The following MAML2 variants were observed in gnomAD, a reference collection of about 807,000 sequenced individuals.
MAML2 encodes mastermind-like protein 2.
A neutral mutation model predicts 96.1 loss-of-function variants in MAML2; 22 were observed. The ratio of observed to expected loss-of-function variants is 0.23; its 90% CI spans 0.16 to 0.33. MAML2 has a LOEUF of 0.33. MAML2 is among the 10% of genes least tolerant of loss of function. MAML2 has a pLI of 1.00. For synonymous variants in MAML2, 561 were observed against 521.3 expected (o/e 1.08, Z -1.04); for missense variants, 1,367 against 1,392.4 (o/e 0.98, Z 0.29).
chr11:96,246,291 G>A (rs937713274), intron 1 of MAML2, among the ~76,000 whole-genome samples: 62 of 152,026 alleles, frequency 4.1e-4, no homozygotes, highest in African/African-American at 1.4e-3. Context: ...CCTTCAACAG[G>A]CATTTTTTGG....
At chr11:96,204,366 G>A (rs746574695) in intron 1 of MAML2, among the ~76,000 whole-genome samples, 5 of 152,318 alleles carry the variant, frequency 3.3e-5, no homozygotes, top group East Asian at 1.9e-4. Context: ...AGAGCCTAGC[G>A]TAGATGACAG....
At chr11:95,998,485 C>T (rs1172452258) in intron 2 of MAML2, among the ~76,000 whole-genome samples, 2 of 152,098 alleles carry the variant, frequency 1.3e-5, no homozygotes, top group African/African-American at 4.8e-5. Context: ...TCATCAGGTG[C>T]TAGAGAAATG....
chr11:96,139,393 C>G (rs900307404), intron 1 of MAML2, among the ~76,000 whole-genome samples: 5 of 151,422 alleles, frequency 3.3e-5, no homozygotes, highest in Admixed American at 3.3e-4. Flanking sequence ...AGGAGAATGG[C>G]GTGAACCTGG....
In MAML2 at chr11:96,086,173, T is replaced by C. The variant is rs112235525; in HGVS notation, c.2139+5719A>G. On this transcript the variant is annotated intron_variant, in intron 2 of 4. Coordinates refer to ENST00000524717, the MANE Select transcript of MAML2 (RefSeq NM_032427.4). ...AGCCAGGGAAGGAACCATGTTTTCC[T>C]GATCTTTGAGATTATATGAGTATGA... Among the ~76,000 whole-genome samples, 1,503 of 152,338 alleles carry C rather than the reference T, an allele frequency of 9.9e-3. 23 individuals are homozygous for C. Among genetic ancestry groups the C allele is most frequent in the South Asian group, 0.036 (176 of 4,828 alleles).
intron 2 of MAML2, among the ~76,000 whole-genome samples, chr11:96,034,929 G>A (rs1858688265): frequency 6.6e-6 from 1 of 152,120 alleles, no homozygotes; most frequent in African/African-American, 2.4e-5. Flanking sequence ...GTCACATGGG[G>A]AAGCATATGG....
At chr11:96,021,157 A>G (rs1402710920) in intron 2 of MAML2, among the ~76,000 whole-genome samples, 4 of 152,090 alleles carry the variant, frequency 2.6e-5, no homozygotes, top group Non-Finnish European at 5.9e-5. Context: ...GCTTCCATAG[A>G]TTCCTGGGTT....
At chr11:96,178,894 T>C (rs2135908412) in intron 1 of MAML2, among the ~76,000 whole-genome samples, 1 of 152,270 alleles carries the variant, frequency 6.6e-6, no homozygotes, top group East Asian at 1.9e-4. Context: ...GGGAAGAAGA[T>C]AATGCTTTGC....
At chr11:96,304,457 G>A (rs1280932571) in intron 1 of MAML2, among the ~76,000 whole-genome samples, 1 of 152,192 alleles carries the variant, frequency 6.6e-6, no homozygotes, top group Non-Finnish European at 1.5e-5. Context: ...GGCCAGTTTG[G>A]AAGTACAGTG....
At chr11:96,273,344 A>T (rs904615171) in intron 1 of MAML2, among the ~76,000 whole-genome samples, 1 of 152,188 alleles carries the variant, frequency 6.6e-6, no homozygotes, top group African/African-American at 2.4e-5. Flanking sequence ...TTAAAGTTCA[A>T]ATTAGATTAA....
chr11:96,025,908 A>G (rs1858510468), intron 2 of MAML2, among the ~76,000 whole-genome samples: 1 of 152,236 alleles, frequency 6.6e-6, no homozygotes, highest in African/African-American at 2.4e-5. Flanking sequence ...GCCTCTGATT[A>G]TAACCATTAT....
At chr11:96,315,358 A>G (rs1863615313) in intron 1 of MAML2, among the ~76,000 whole-genome samples, 1 of 152,178 alleles carries the variant, frequency 6.6e-6, no homozygotes, top group Non-Finnish European at 1.5e-5. Flanking sequence ...CCTGTAAAAT[A>G]TATTTATATT....
chr11:96,140,862 G>A (rs1401149856), intron 1 of MAML2, among the ~76,000 whole-genome samples: 2 of 152,140 alleles, frequency 1.3e-5, no homozygotes, highest in African/African-American at 4.8e-5. Flanking sequence ...CATGCTAGGA[G>A]CTGTCATTTT....
At chr11:96,084,546 T>C (rs563788411) in intron 2 of MAML2, among the ~76,000 whole-genome samples, 79 of 152,278 alleles carry the variant, frequency 5.2e-4, no homozygotes, top group African/African-American at 1.8e-3. Context: ...CCTTCACCAC[T>C]GTTGCCAATA....
intron 1 of MAML2, among the ~76,000 whole-genome samples, chr11:96,298,205 G>A (rs540995228): frequency 3.3e-4 from 50 of 152,258 alleles, no homozygotes; most frequent in Non-Finnish European, 6.5e-4. Context: ...AGCTATCCAC[G>A]GTAAGGATAT....
At chr11:96,053,453 A>T (rs1193743590) in intron 2 of MAML2, among the ~76,000 whole-genome samples, 2 of 152,234 alleles carry the variant, frequency 1.3e-5, no homozygotes, top group Non-Finnish European at 2.9e-5. Flanking sequence ...ATCCAGGGCA[A>T]AAGAAGGAAG....
chr11:96,246,809 G>A (rs1314299599), intron 1 of MAML2, among the ~76,000 whole-genome samples: 1 of 152,098 alleles, frequency 6.6e-6, no homozygotes, highest in Non-Finnish European at 1.5e-5. Context: ...GGTTGGCTCT[G>A]AGGAAACCGT....
rs1294438601 is a variant in MAML2, at chr11:96,231,160, A to C, written c.513+110223T>G. On this transcript the variant is annotated intron_variant, in intron 1 of 4. Coordinates refer to ENST00000524717, the MANE Select transcript of MAML2 (RefSeq NM_032427.4). ...GGTTTTAATAAATATATTTCTCTCT[A>C]TATAAAAACTCTCCTGATTCCCACA... is the stretch of plus-strand genomic sequence containing the variant. 5.9e-5 allele frequency among the ~76,000 whole-genome samples: 9 copies of C among 152,304 alleles called. No homozygotes were observed. In the South Asian group the frequency reaches 1.0e-3, roughly 18 times the overall value.
At chr11:96,137,279 G>A (rs987870489) in intron 1 of MAML2, among the ~76,000 whole-genome samples, 3 of 152,290 alleles carry the variant, frequency 2.0e-5, no homozygotes, top group South Asian at 2.1e-4. Flanking sequence ...ACTTGGTTCT[G>A]GGGAGAAATG....
chr11:96,239,619 G>A (rs1038082912), intron 1 of MAML2, among the ~76,000 whole-genome samples: 1 of 151,872 alleles, frequency 6.6e-6, no homozygotes, highest in African/African-American at 2.4e-5. Context: ...AAAAAAAAAA[G>A]TAGAAAGAAA....
Sources: allele counts gnomAD v4.1 joint callset (sites outside exome capture counted in the v4.1 genomes callset), GRCh38; gene constraint gnomAD v4.1.1; transcripts MANE v1.5; gene names NCBI Gene and HGNC (gene_info 2026-07-23, HGNC 2026-07-21).